ANKS1A: variants seen among roughly 807,000 people sequenced by gnomAD.
ANKS1A encodes ankyrin repeat and sterile alpha motif domain containing 1A.
In ANKS1A, 55 loss-of-function variants were observed where a neutral mutation model predicts 120.3. That is an observed-to-expected ratio of 0.46 (90% CI 0.37 to 0.57). ANKS1A has a LOEUF of 0.57. ANKS1A is among the 20% of genes least tolerant of loss of function. ANKS1A has a pLI of 0.00. For missense variants in ANKS1A, 1,123 were observed against 1,480.3 expected, an observed-to-expected ratio of 0.76 and a Z score of 3.96; for synonymous variants, 590 against 604.7, an observed-to-expected ratio of 0.98 and a Z score of 0.36.
intron 5 of ANKS1A, 110 bp from the exon 6 acceptor site, chr6:34,983,003 G>A: frequency 1.5e-6 from 2 of 1,291,716 alleles, no homozygotes; most frequent in East Asian, 2.3e-5. Flanking sequence ...GGCTCTGGAT[G>A]AAAAATGTTG....
intron 13 of ANKS1A, among the ~76,000 whole-genome samples, chr6:35,065,433 G>A (rs1044181637): frequency 2.6e-5 from 4 of 152,166 alleles, no homozygotes; most frequent in East Asian, 1.9e-4. Context: ...ATCCTCTTCC[G>A]TCGCTCCTGA....
At chr6:35,024,706 C>T (rs1401907789) in intron 11 of ANKS1A, among the ~76,000 whole-genome samples, 1 of 152,182 alleles carries the variant, frequency 6.6e-6, no homozygotes, top group African/African-American at 2.4e-5. Flanking sequence ...AGGCCAAGTC[C>T]AGAAGTGGCC....
At chr6:35,033,979 AG>A (rs1775033397) in intron 11 of ANKS1A, among the ~76,000 whole-genome samples, 1 of 152,140 alleles carries the variant, frequency 6.6e-6, no homozygotes, top group Non-Finnish European at 1.5e-5. Context: ...GGTTCCACAA[AG>A]CAACATTTAC....
intron 1 of ANKS1A, among the ~76,000 whole-genome samples, chr6:34,922,048 C>A (rs114806324): frequency 2.0e-5 from 3 of 147,710 alleles, no homozygotes; most frequent in African/African-American, 7.6e-5. Context: ...ATAGGGTCTC[C>A]TTGTGTTGGG....
At chr6:34,994,532 T>TG in intron 10 of ANKS1A, 110 bp downstream of exon 10, 1 of 1,476,278 alleles carries the variant, frequency 6.8e-7, no homozygotes, top group Non-Finnish European at 9.2e-7. Flanking sequence ...TGGGTTGTGG[T>TG]GGTTGGGTTT....
At chr6:34,972,138 C>T (rs953137928) in intron 3 of ANKS1A, among the ~76,000 whole-genome samples, 5 of 152,170 alleles carry the variant, frequency 3.3e-5, no homozygotes, top group African/African-American at 1.2e-4. Flanking sequence ...TCTTTGCTCA[C>T]GTTTGCCTTG....
rs1383899963 is a variant in ANKS1A at position 35,057,731 on chromosome 6, G to T, written c.2078-2416G>T. Among the ~76,000 whole-genome samples the T allele has an allele frequency of 6.6e-6, 1 of 152,212 alleles. No homozygotes were observed. Among genetic ancestry groups the T allele is most frequent in the Non-Finnish European group, 1.5e-5 (1 of 68,048 alleles). ...CCCAAGAGAAGTCCGTCCCCAATTT[G>T]TTTGGTATACTCACCTAAGGAACAT... is the stretch of plus-strand genomic sequence containing the variant. On this transcript the variant is annotated intron_variant, in intron 12 of 23. Transcript: ENST00000360359. The surrounding 1 kb of genome is among the most constrained non-coding windows in gnomAD (Gnocchi z 4.1).
chr6:34,904,476 G>A (rs1451497658), intron 1 of ANKS1A, among the ~76,000 whole-genome samples: 2 of 152,104 alleles, frequency 1.3e-5, no homozygotes, highest in Non-Finnish European at 2.9e-5. Flanking sequence ...ACACAAGCCC[G>A]TAATCCCAGC....
chr6:34,968,534 T>G (rs1771008390), intron 2 of ANKS1A, among the ~76,000 whole-genome samples: 1 of 151,892 alleles, frequency 6.6e-6, no homozygotes, highest in African/African-American at 2.4e-5. Context: ...ACCTCCCGGG[T>G]TCAAGCAATT....
intron 10 of ANKS1A, among the ~76,000 whole-genome samples, chr6:35,015,792 C>G (rs911859392): frequency 3.9e-5 from 6 of 152,226 alleles, no homozygotes; most frequent in Admixed American, 6.5e-5. Flanking sequence ...ACCACTGTTG[C>G]AGGAGAGTAG....
At chr6:34,894,159 T>G (rs1422435183) in intron 1 of ANKS1A, among the ~76,000 whole-genome samples, 2 of 152,234 alleles carry the variant, frequency 1.3e-5, no homozygotes, top group Non-Finnish European at 2.9e-5. Flanking sequence ...ATCAAACTTC[T>G]TAACTTACAG....
rs773474902 is a variant in ANKS1A at position 35,081,125 on chromosome 6, G to A, written c.2676G>A (p.Ala892=). The stretch of plus-strand genomic sequence containing the variant: ...GCCATGACAGTCTCCATGACCCTGC[G>A]GCACCCTCCCGAGCGGAGCGCTTCA... ...RRRHDSLHDP[A]APSRAERFRI... is the part of the protein sequence containing the mutation. Residue 892 remains alanine, a synonymous_variant, in exon 17 of 24, where the codon GCG becomes GCA. Coordinates refer to ENST00000360359, the MANE Select transcript of ANKS1A (RefSeq NM_015245.3). The A allele has an allele frequency of 1.3e-4, 212 of 1,612,888 alleles. No individual in the cohort carries two copies. Among genetic ancestry groups the A allele is most frequent in the Non-Finnish European group, 1.7e-4 (200 of 1,179,820 alleles).
At chr6:35,020,302 A>G (rs1774267564) in intron 11 of ANKS1A, among the ~76,000 whole-genome samples, 1 of 152,226 alleles carries the variant, frequency 6.6e-6, no homozygotes, top group Non-Finnish European at 1.5e-5. Context: ...TACATATAGC[A>G]TTTACATTGT....
At chr6:35,062,100 C>A (rs1001881292) in intron 13 of ANKS1A, among the ~76,000 whole-genome samples, 1 of 152,226 alleles carries the variant, frequency 6.6e-6, no homozygotes, top group African/African-American at 2.4e-5. Flanking sequence ...AGAAGTGTGG[C>A]CTTGGGCCAA....
chr6:34,958,785 T>G (rs1770493988), intron 1 of ANKS1A, among the ~76,000 whole-genome samples: 1 of 152,242 alleles, frequency 6.6e-6, no homozygotes, highest in Non-Finnish European at 1.5e-5. Context: ...TCTTCGTTTC[T>G]GCCTGGCTGC....
At chr6:34,978,860 T>C (rs1365658883) in intron 3 of ANKS1A, among the ~76,000 whole-genome samples, 1 of 151,566 alleles carries the variant, frequency 6.6e-6, no homozygotes, top group East Asian at 1.9e-4. Context: ...AGGTGCTACT[T>C]TGGCAAGTCT....
intron 3 of ANKS1A, among the ~76,000 whole-genome samples, chr6:34,973,952 TC>T (rs1474578500): frequency 3.7e-5 from 3 of 80,374 alleles, no homozygotes; most frequent in Non-Finnish European, 7.4e-5. Flanking sequence ...CCCCTTCCCT[TC>T]CCCTTCCCCT....
At chr6:34,989,171 A>G (rs1772379474) in intron 8 of ANKS1A, 53 bp from the exon 9 acceptor site, 20 of 1,583,424 alleles carry the variant, frequency 1.3e-5, no homozygotes, top group Non-Finnish European at 1.6e-5. Context: ...AAACCAAAAA[A>G]TTAGATACTT....
intron 13 of ANKS1A, among the ~76,000 whole-genome samples, chr6:35,064,467 C>G (rs1040007643): frequency 6.6e-6 from 1 of 152,198 alleles, no homozygotes; most frequent in Non-Finnish European, 1.5e-5. Context: ...CTTGTTCCTA[C>G]GTGTTGGAGA....
Sources: allele counts gnomAD v4.1 joint callset (sites outside exome capture counted in the v4.1 genomes callset), GRCh38; gene constraint gnomAD v4.1.1; non-coding constraint Gnocchi (gnomAD v3.1); transcripts MANE v1.5; gene names NCBI Gene and HGNC (gene_info 2026-07-23, HGNC 2026-07-21).